TMEM132B: variants seen among roughly 807,000 people sequenced by gnomAD.
TMEM132B encodes transmembrane protein 132B.
Under a neutral mutation model 90.8 loss-of-function variants are expected in TMEM132B, and 18 were observed. That is an observed-to-expected ratio of 0.20 (90% confidence interval 0.14 to 0.29). The LOEUF (loss-of-function observed/expected upper bound fraction) is 0.29, where lower values mean the gene tolerates loss of function less well. Among genes scored for constraint, TMEM132B ranks in the 10% least tolerant of loss-of-function variants. The pLI is 1.00. For missense variants in TMEM132B, 1,096 were observed against 1,326.8 expected, an observed-to-expected ratio of 0.83 and a Z score of 2.70; for synonymous variants, 504 against 523.3, an observed-to-expected ratio of 0.96 and a Z score of 0.50.
rs1471497161 is a variant in TMEM132B at position 125,660,386 on chromosome 12, A to G, written c.*5676A>G. ...AAGAAAGTTTGAAGTAAGATTTGTAAAAGAATGAACACTTTAGGTTTTGTG... is the reference window on the plus strand; with the variant it reads ...AAGAAAGTTTGAAGTAAGATTTGTAGAAGAATGAACACTTTAGGTTTTGTG... On this transcript the variant is annotated 3_prime_UTR_variant, in exon 9 of 9. Transcript: ENST00000682704. 1 of 152,248 alleles carries G rather than the reference A, an allele frequency of 6.6e-6. No individual in the cohort carries two copies. The highest frequency in any genetic ancestry group is 6.5e-5 in the Admixed American group (1 of 15,290). 9.4% of individuals were successfully genotyped at this position (152,248 alleles called of 1,614,324 possible). A position where few individuals can be genotyped will look rare whatever the true frequency, so the allele number is the denominator to read the frequency against.
rs753293035 is a variant in TMEM132B at position 125,415,058 on chromosome 12, G to A, written c.960-473G>A. On this transcript the variant is annotated intron_variant, in intron 2 of 8. Transcript: ENST00000682704. This position sits in a 1 kb window ranked among gnomAD's most constrained non-coding sequence, Gnocchi z 5.3. ...AAACACCTGAGGACTGGGTGCTCCC[G>A]TCCATTCCTGCTCCCAGAGTGCCCA... Among the ~76,000 whole-genome samples, 34 of 152,236 alleles carry A rather than the reference G, an allele frequency of 2.2e-4. No homozygotes were observed. The highest frequency in any genetic ancestry group is 4.8e-4 in the African/African-American group (20 of 41,544).
chr12:125,400,471 G>A (rs1219157834), intron 2 of TMEM132B, among the ~76,000 whole-genome samples: 1 of 152,224 alleles, frequency 6.6e-6, no homozygotes, highest in Non-Finnish European at 1.5e-5. Context: ...GATGGCTCCT[G>A]TTCTGACTCA....
Position 125,432,546 on chromosome 12 carries a change from G to GAT in TMEM132B, c.1106+16870_1106+16871insTA, listed in dbSNP as rs1452293535. Among the ~76,000 whole-genome samples the GAT allele has an allele frequency of 2.8e-4, 20 of 71,198 alleles. 5 individuals are homozygous for GAT. In the Middle Eastern group the frequency reaches 0.021, roughly 76 times the overall value. 46.7% of individuals were successfully genotyped at this position (71,198 alleles called of 152,430 possible). ...ATATATATAGAGAGAGAGAGAGAGA[G>GAT]AGAGAGAGAGAGAGAGAGAGAAAGA... On this transcript the variant is annotated intron_variant, in intron 3 of 8. Transcript: ENST00000682704.
intron 4 of TMEM132B, among the ~76,000 whole-genome samples, chr12:125,521,581 A>G (rs577429263): frequency 2.6e-5 from 4 of 152,302 alleles, no homozygotes; most frequent in Admixed American, 6.5e-5. Flanking sequence ...TGGGCACCCT[A>G]GTAAGAGTGG....
chr12:125,389,366 CCCTT>C (rs1481138384), intron 2 of TMEM132B, among the ~76,000 whole-genome samples: 2 of 134,460 alleles, frequency 1.5e-5, no homozygotes, highest in African/African-American at 2.7e-5. Flanking sequence ...CCCTCCCCTT[CCCTT>C]CCTTTTCATC....
intron 2 of TMEM132B, among the ~76,000 whole-genome samples, chr12:125,402,322 T>A (rs1467259091): frequency 6.6e-6 from 1 of 152,190 alleles, no homozygotes; most frequent in African/African-American, 2.4e-5. Flanking sequence ...CTGGAGTAGG[T>A]GGGATTACAG....
chr12:125,511,366 T>C (rs1882973545), intron 3 of TMEM132B, among the ~76,000 whole-genome samples: 1 of 152,196 alleles, frequency 6.6e-6, no homozygotes, highest in Non-Finnish European at 1.5e-5. Flanking sequence ...AGGTGTTTCA[T>C]GGAACCCAAG....
intron 1 of TMEM132B, among the ~76,000 whole-genome samples, chr12:125,236,996 C>G (rs1873952017): frequency 6.6e-6 from 1 of 152,180 alleles, no homozygotes; most frequent in African/African-American, 2.4e-5. Flanking sequence ...GTGAGCAGGT[C>G]ACTGCTGTGG....
At chr12:125,520,101 A>G (rs146909272) in intron 4 of TMEM132B, among the ~76,000 whole-genome samples, 155 of 152,314 alleles carry the variant, frequency 1.0e-3, no homozygotes, top group Non-Finnish European at 1.8e-3. Context: ...TAAGCTGGGT[A>G]GAGCCCCAGA....
chr12:125,658,465 T>G lies in TMEM132B; in HGVS notation c.*3755T>G, dbSNP rs1412114194. 2 of 152,216 alleles carry G rather than the reference T, an allele frequency of 1.3e-5. No homozygotes were observed. The highest frequency in any genetic ancestry group is 2.9e-5 in the Non-Finnish European group (2 of 68,034). The allele number at this position is 152,216 out of a possible 1,614,324, so 9.4% of individuals were successfully genotyped here. On this transcript the variant is annotated 3_prime_UTR_variant, in exon 9 of 9. Transcript: ENST00000682704. ...CCTACAAGTCAGGGACACCAGTGTGTTTTCTACTCGAGTTACCTAAAAATG... is the reference window on the plus strand; with the variant it reads ...CCTACAAGTCAGGGACACCAGTGTGGTTTCTACTCGAGTTACCTAAAAATG...
chr12:125,591,415 A>G (rs1451343123), intron 5 of TMEM132B, among the ~76,000 whole-genome samples: 1 of 152,046 alleles, frequency 6.6e-6, no homozygotes, highest in Non-Finnish European at 1.5e-5. Context: ...CCACATGGCT[A>G]ATTCCATCAT....
chr12:125,297,779 G>A (rs1875708631), intron 1 of TMEM132B, among the ~76,000 whole-genome samples: 1 of 152,112 alleles, frequency 6.6e-6, no homozygotes, highest in South Asian at 2.1e-4. Context: ...TCTTCTAGGA[G>A]TGAGTGGACC....
Position 125,652,629 on chromosome 12 carries a change from G to C in TMEM132B, c.2103G>C (p.Gln701His), listed in dbSNP as rs373882116. 8 of 1,610,178 alleles carry C rather than the reference G, an allele frequency of 5.0e-6. No homozygotes were observed. The highest frequency in any genetic ancestry group is 6.8e-6 in the Non-Finnish European group (8 of 1,178,010). The stretch of plus-strand genomic sequence containing the variant: ...CCCTGGATGTTCTTCAGTCCCCACA[G>C]CAGGTGAGCGTTCCAGGGGCCCTGC... ...AAALDVLQSP[Q>H]QEAIVSSWIL... Residue 701 changes from glutamine to histidine, a missense_variant, in exon 8 of 9, where the codon CAG becomes CAC. Coordinates refer to ENST00000682704, the MANE Select transcript of TMEM132B (RefSeq NM_001366854.1).
intron 1 of TMEM132B, among the ~76,000 whole-genome samples, chr12:125,343,142 A>G (rs143701448): frequency 1.3e-5 from 2 of 152,284 alleles, no homozygotes; most frequent in East Asian, 3.9e-4. Flanking sequence ...GACCACCTTA[A>G]TCCAAGAGCA....
chr12:125,416,369 G>A (rs56353507), intron 3 of TMEM132B, among the ~76,000 whole-genome samples: 13,672 of 152,262 alleles, frequency 0.09, 635 homozygotes, highest in Middle Eastern at 0.15. Flanking sequence ...CTGGACATGT[G>A]GCCTCCTGCT....
chr12:125,353,931 T>G (rs1457445002), intron 2 of TMEM132B, among the ~76,000 whole-genome samples: 2 of 152,254 alleles, frequency 1.3e-5, no homozygotes, highest in African/African-American at 4.8e-5. Context: ...AAGTTAATTT[T>G]AGAGCTGAAA....
chr12:125,506,689 A>G (rs922483164), intron 3 of TMEM132B, among the ~76,000 whole-genome samples: 3 of 152,242 alleles, frequency 2.0e-5, no homozygotes, highest in South Asian at 4.1e-4. Context: ...ATGCACAAAA[A>G]AGGTTTGAGA....
chr12:125,440,989 G>A (rs1880853853), intron 3 of TMEM132B, among the ~76,000 whole-genome samples: 1 of 152,198 alleles, frequency 6.6e-6, no homozygotes, highest in Admixed American at 6.5e-5. Flanking sequence ...TTTATGAAAT[G>A]CACAGTGGTG....
Position 125,660,367 on chromosome 12 carries a change from G to A in TMEM132B, c.*5657G>A, listed in dbSNP as rs1414754002. The A allele has an allele frequency of 6.6e-6, 1 of 152,186 alleles. No individual in the cohort carries two copies. Among genetic ancestry groups the A allele is most frequent in the Non-Finnish European group, 1.5e-5 (1 of 68,030 alleles). 9.4% of individuals were successfully genotyped at this position (152,186 alleles called of 1,614,324 possible). On this transcript the variant is annotated 3_prime_UTR_variant, in exon 9 of 9. Transcript: ENST00000682704. ...TTCAAAAAAAGAAGGATAAAAGAAA[G>A]TTTGAAGTAAGATTTGTAAAAGAAT...
Sources: gnomAD v4.1 joint callset for allele counts (sites outside exome capture counted in the v4.1 genomes callset) on GRCh38, gnomAD v4.1.1 for gene constraint, Gnocchi (gnomAD v3.1) non-coding constraint, MANE v1.5 for transcripts, NCBI Gene and HGNC (gene_info 2026-07-23, HGNC 2026-07-21) for gene names.